POU6F2: variants seen among roughly 807,000 people sequenced by gnomAD.
POU6F2 encodes the protein POU class 6 homeobox 2.
Under a neutral mutation model 71.3 loss-of-function variants are expected in POU6F2, and 31 were observed. That is an observed-to-expected ratio of 0.43 (90% confidence interval 0.33 to 0.59). The LOEUF (loss-of-function observed/expected upper bound fraction) is 0.59, where lower values mean the gene tolerates loss of function less well. POU6F2 is among the 20% of genes least tolerant of loss of function. The pLI is 0.04. For synonymous variants in POU6F2, 347 were observed against 355.7 expected (o/e 0.98, Z 0.27); for missense variants, 783 against 856.8 (o/e 0.91, Z 1.07).
At chr7:39,256,422 T>A (rs1784024452) in intron 4 of POU6F2, among the ~76,000 whole-genome samples, 1 of 151,820 alleles carries the variant, frequency 6.6e-6, no homozygotes, top group South Asian at 2.1e-4. Flanking sequence ...GGGAAAGAGG[T>A]GAGCTGGGAA....
At chr7:39,108,003 A>G (rs1257674403) in intron 2 of POU6F2, among the ~76,000 whole-genome samples, 1 of 152,214 alleles carries the variant, frequency 6.6e-6, no homozygotes, top group East Asian at 1.9e-4. Flanking sequence ...GCAACGTGGA[A>G]AGGGTAGAGT....
chr7:39,044,452 G>A (rs1790250621), intron 1 of POU6F2, among the ~76,000 whole-genome samples: 1 of 151,888 alleles, frequency 6.6e-6, no homozygotes, highest in Non-Finnish European at 1.5e-5. Flanking sequence ...ACAATAAAAT[G>A]TTTTGAGATA....
At chr7:39,057,566 A>G (rs1330913406) in intron 1 of POU6F2, among the ~76,000 whole-genome samples, 1 of 152,098 alleles carries the variant, frequency 6.6e-6, no homozygotes, top group Non-Finnish European at 1.5e-5. Flanking sequence ...AATGTTTTCA[A>G]CATGTAAAAG....
intron 4 of POU6F2, among the ~76,000 whole-genome samples, chr7:39,283,041 T>G (rs1343269251): frequency 1.3e-5 from 2 of 152,280 alleles, no homozygotes; most frequent in Non-Finnish European, 1.5e-5. Context: ...TTTTTGGAAC[T>G]ATTGTTAACG....
At chr7:39,216,044 A>G (rs1794236533) in intron 4 of POU6F2, among the ~76,000 whole-genome samples, 1 of 152,222 alleles carries the variant, frequency 6.6e-6, no homozygotes, top group Non-Finnish European at 1.5e-5. Flanking sequence ...TTAAAGCTTC[A>G]GCTCAAGAGC....
At chr7:39,240,364 T>C (rs1302027458) in intron 4 of POU6F2, among the ~76,000 whole-genome samples, 1 of 152,158 alleles carries the variant, frequency 6.6e-6, no homozygotes, top group Non-Finnish European at 1.5e-5. Context: ...GGTTCTTACA[T>C]CTGCCACTAC....
intron 2 of POU6F2, among the ~76,000 whole-genome samples, chr7:39,155,325 A>G (rs946760572): frequency 2.0e-5 from 3 of 151,904 alleles, no homozygotes; most frequent in Non-Finnish European, 4.4e-5. Flanking sequence ...GCAACCTTAT[A>G]TGAGAGGAAG....
chr7:39,231,448 C>T (rs1794572146), intron 4 of POU6F2, among the ~76,000 whole-genome samples: 1 of 152,074 alleles, frequency 6.6e-6, no homozygotes, highest in Admixed American at 6.6e-5. Flanking sequence ...ATCATCACAA[C>T]TCTATGAAAT....
intron 5 of POU6F2, among the ~76,000 whole-genome samples, chr7:39,374,550 G>GAT (rs1786673539): frequency 6.6e-6 from 1 of 152,148 alleles, no homozygotes; most frequent in African/African-American, 2.4e-5. Flanking sequence ...CCCATCTAAA[G>GAT]ATATTCAAGA....
intron 6 of POU6F2, among the ~76,000 whole-genome samples, chr7:39,419,733 A>G (rs754511442): frequency 2.6e-5 from 4 of 152,194 alleles, no homozygotes; most frequent in Non-Finnish European, 5.9e-5. Flanking sequence ...TGGCACTCGC[A>G]TCTGTCTTGA....
intron 5 of POU6F2, 116 bp downstream of exon 5, chr7:39,340,131 T>C (rs961673004): frequency 3.0e-6 from 4 of 1,352,334 alleles, no homozygotes; most frequent in Non-Finnish European, 3.9e-6. Context: ...TTCTGCAGCA[T>C]CTAATTCAAA....
At position 39,363,676 on chromosome 7, in the gene POU6F2, G is replaced by C. The variant is rs552109922; in HGVS notation, c.972+23661G>C. On this transcript the variant is annotated intron_variant, in intron 5 of 9. Transcript: ENST00000518318. ...GAGATTAAGAAGAGGGCTCAGTGAG[G>C]GAGGAAAAGGGGGCTCCTAGAAGAA... Among the ~76,000 whole-genome samples the C allele has an allele frequency of 2.0e-5, 3 of 149,864 alleles. No homozygotes were observed. In the South Asian group the frequency reaches 6.6e-4, roughly 33 times the overall value.
intron 4 of POU6F2, among the ~76,000 whole-genome samples, chr7:39,211,831 C>T (rs562273227): frequency 6.6e-6 from 1 of 152,190 alleles, no homozygotes; most frequent in Non-Finnish European, 1.5e-5. Flanking sequence ...AATGACCCAT[C>T]TCCCTGTCTT....
intron 1 of POU6F2, among the ~76,000 whole-genome samples, chr7:39,054,758 G>C (rs1327124375): frequency 7.1e-6 from 1 of 140,090 alleles, no homozygotes; most frequent in Non-Finnish European, 1.5e-5. Flanking sequence ...ACAGGGAAAA[G>C]ATCAGAGCTT....
intron 6 of POU6F2, among the ~76,000 whole-genome samples, chr7:39,411,946 A>C (rs1233184968): frequency 6.6e-6 from 1 of 152,228 alleles, no homozygotes; most frequent in Non-Finnish European, 1.5e-5. Flanking sequence ...ACATGGTTAA[A>C]AATACGTATC....
At chr7:39,176,602 G>A (rs773163483) in intron 2 of POU6F2, among the ~76,000 whole-genome samples, 3 of 152,080 alleles carry the variant, frequency 2.0e-5, no homozygotes, top group Non-Finnish European at 4.4e-5. Context: ...CTGGATCATC[G>A]CTGCTCTACT....
intron 2 of POU6F2, among the ~76,000 whole-genome samples, chr7:39,147,733 G>A (rs1792652119): frequency 6.6e-6 from 1 of 152,160 alleles, no homozygotes; most frequent in Non-Finnish European, 1.5e-5. Flanking sequence ...GGAAATTTCA[G>A]AGGAAATCAA....
At chr7:39,376,774 ATACTTTAAAT>A (rs1256690433) in intron 5 of POU6F2, among the ~76,000 whole-genome samples, 6 of 152,040 alleles carry the variant, frequency 3.9e-5, no homozygotes, top group African/African-American at 1.4e-4. Context: ...ACTCAAAATG[ATACTTTAAAT>A]ATATGAGTAT....
At chr7:39,448,639 A>C (rs1321160152) in intron 7 of POU6F2, among the ~76,000 whole-genome samples, 1 of 152,140 alleles carries the variant, frequency 6.6e-6, no homozygotes, top group Non-Finnish European at 1.5e-5. Context: ...GTGACTCTTA[A>C]TTTAAGCAAT....
Sources: allele counts gnomAD v4.1 joint callset (sites outside exome capture counted in the v4.1 genomes callset), GRCh38; gene constraint gnomAD v4.1.1; transcripts MANE v1.5; gene names NCBI Gene and HGNC (gene_info 2026-07-23, HGNC 2026-07-21).